Variants in CAMK1D observed in about 807,000 individuals in gnomAD.
The protein encoded by CAMK1D is calcium/calmodulin dependent protein kinase ID, also known as calcium/calmodulin-dependent protein kinase type 1D.
A neutral mutation model predicts 47.7 loss-of-function variants in CAMK1D; 9 were observed. The observed-to-expected ratio is 0.19, with a 90% CI of 0.11 to 0.33. The LOEUF (loss-of-function observed/expected upper bound fraction) is 0.33. CAMK1D is among the 10% of genes least tolerant of loss of function. The pLI, the probability that CAMK1D is intolerant of heterozygous loss-of-function variation, is 1.00. For synonymous variants in CAMK1D, 184 were observed against 184.9 expected, an observed-to-expected ratio of 0.99 and a Z score of 0.04; for missense variants, 291 against 488.7, an observed-to-expected ratio of 0.60 and a Z score of 3.81.
At chr10:12,399,121 G>A (rs1839078194) in intron 1 of CAMK1D, among the ~76,000 whole-genome samples, 1 of 152,210 alleles carries the variant, frequency 6.6e-6, no homozygotes, top group Non-Finnish European at 1.5e-5. Context: ...GTGGGTGAAG[G>A]TGGTATGGGA....
intron 2 of CAMK1D, among the ~76,000 whole-genome samples, chr10:12,568,079 C>CCCTCCCACCTTGCCTG (rs1837180526): frequency 6.6e-6 from 1 of 151,542 alleles, no homozygotes; most frequent in Admixed American, 6.6e-5. Context: ...GGCCTGCCCG[C>CCCTCCCACCTTGCCTG]CCTCCCACCT....
At chr10:12,378,976 A>C (rs182233051) in intron 1 of CAMK1D, among the ~76,000 whole-genome samples, 222 of 152,004 alleles carry the variant, frequency 1.5e-3, no homozygotes, top group Middle Eastern at 6.8e-3. Flanking sequence ...TGCCCGGCTA[A>C]TTTTTGTATT....
chr10:12,758,716 G>A (rs10752275), intron 3 of CAMK1D, among the ~76,000 whole-genome samples: 23,220 of 152,182 alleles, frequency 0.15, 2,031 homozygotes, highest in East Asian at 0.32. Flanking sequence ...TGGGAAGCAG[G>A]ACAGGTAGGT....
chr10:12,545,231 G>A (rs1188237180), intron 1 of CAMK1D, among the ~76,000 whole-genome samples: 7 of 2,190 alleles, frequency 3.2e-3, no homozygotes, highest in African/African-American at 3.9e-3. Flanking sequence ...AAAAACCTCA[G>A]GTGTTCGAGA....
chr10:12,588,626 C>G (rs1340101710), intron 2 of CAMK1D, among the ~76,000 whole-genome samples: 1 of 152,100 alleles, frequency 6.6e-6, no homozygotes, highest in African/African-American at 2.4e-5. Context: ...GCTCAACGCT[C>G]TCCCACATCC....
At chr10:12,413,989 C>T (rs1053818534) in intron 1 of CAMK1D, among the ~76,000 whole-genome samples, 2 of 152,172 alleles carry the variant, frequency 1.3e-5, no homozygotes, top group Admixed American at 6.5e-5. Flanking sequence ...TATCTTTTCT[C>T]TCATGAAATG....
intron 1 of CAMK1D, among the ~76,000 whole-genome samples, chr10:12,379,717 C>T (rs1838284923): frequency 1.3e-5 from 2 of 152,130 alleles, no homozygotes; most frequent in South Asian, 4.1e-4. Context: ...CGTGCCACTG[C>T]ACTGCAGTCT....
intron 1 of CAMK1D, among the ~76,000 whole-genome samples, chr10:12,391,546 A>G (rs986546055): frequency 6.6e-6 from 1 of 152,138 alleles, no homozygotes; most frequent in African/African-American, 2.4e-5. Flanking sequence ...CATTTTAAGT[A>G]CTGAATATTT....
chr10:12,424,668 C>G (rs1209623603), intron 1 of CAMK1D, among the ~76,000 whole-genome samples: 2 of 152,122 alleles, frequency 1.3e-5, no homozygotes, highest in Admixed American at 6.6e-5. Context: ...TCAGGGCTGG[C>G]TGTGGTGGCT....
chr10:12,642,491 A>G (rs1839695239), intron 2 of CAMK1D, among the ~76,000 whole-genome samples: 1 of 152,344 alleles, frequency 6.6e-6, no homozygotes, highest in South Asian at 2.1e-4. Context: ...GGATAAACCC[A>G]AAAGGAAATT....
At chr10:12,801,147 GA>G (rs879441825) in intron 6 of CAMK1D, among the ~76,000 whole-genome samples, 3 of 152,136 alleles carry the variant, frequency 2.0e-5, no homozygotes, top group Non-Finnish European at 2.9e-5. Flanking sequence ...AAAAGGAGAA[GA>G]GGGGGATAAG....
chr10:12,575,785 G>A (rs925937069), intron 2 of CAMK1D, among the ~76,000 whole-genome samples: 1 of 152,188 alleles, frequency 6.6e-6, no homozygotes, highest in African/African-American at 2.4e-5. Context: ...GACAGTGGTG[G>A]TTTGCATGTG....
intron 2 of CAMK1D, among the ~76,000 whole-genome samples, chr10:12,655,198 A>G (rs1840085448): frequency 6.6e-6 from 1 of 151,962 alleles, no homozygotes; most frequent in African/African-American, 2.4e-5. Flanking sequence ...GGAAACTTAC[A>G]CTCATGATGG....
chr10:12,447,619 C>G (rs978596817), intron 1 of CAMK1D, among the ~76,000 whole-genome samples: 4 of 152,272 alleles, frequency 2.6e-5, no homozygotes, highest in East Asian at 3.9e-4. Flanking sequence ...GGAGGATTGC[C>G]TGAGCCTGAG....
intron 4 of CAMK1D, among the ~76,000 whole-genome samples, chr10:12,763,279 T>A (rs1836587909): frequency 6.6e-6 from 1 of 152,162 alleles, no homozygotes; most frequent in Non-Finnish European, 1.5e-5. Context: ...AAATTAAAGT[T>A]AAAACAACCT....
intron 1 of CAMK1D, among the ~76,000 whole-genome samples, chr10:12,458,671 G>A (rs114283751): frequency 1.3e-4 from 20 of 152,236 alleles, no homozygotes; most frequent in African/African-American, 4.3e-4. Flanking sequence ...GGCCTCAAGC[G>A]ATCCTCCTGC....
intron 1 of CAMK1D, among the ~76,000 whole-genome samples, chr10:12,387,033 C>T (rs1462330621): frequency 2.6e-5 from 4 of 151,732 alleles, no homozygotes; most frequent in African/African-American, 9.7e-5. Flanking sequence ...GAAACCCCGT[C>T]TCTACTAAAA....
At chr10:12,365,426 T>C (rs979139833) in intron 1 of CAMK1D, among the ~76,000 whole-genome samples, 2 of 151,906 alleles carry the variant, frequency 1.3e-5, no homozygotes, top group Non-Finnish European at 2.9e-5. Context: ...GTTGCAAAGG[T>C]TATAGCTTTT....
chr10:12,436,813 A>G (rs779061257), intron 1 of CAMK1D, among the ~76,000 whole-genome samples: 4 of 152,206 alleles, frequency 2.6e-5, no homozygotes, highest in Non-Finnish European at 4.4e-5. Flanking sequence ...TACACGTATT[A>G]AGTGCCCATG....
Sources: gnomAD v4.1 joint callset for allele counts (sites outside exome capture counted in the v4.1 genomes callset) on GRCh38, gnomAD v4.1.1 for gene constraint, MANE v1.5 for transcripts, NCBI Gene and HGNC (gene_info 2026-07-23, HGNC 2026-07-21) for gene names.